CEP97: variants seen among roughly 807,000 people sequenced by gnomAD.
The protein encoded by CEP97 is centrosomal protein of 97 kDa.
A neutral mutation model predicts 73.1 loss-of-function variants in CEP97; 43 were observed. The observed-to-expected ratio is 0.59, with a 90% CI of 0.46 to 0.76. CEP97 has a LOEUF of 0.76. CEP97 is among the 30% of genes least tolerant of loss of function. The probability of loss-of-function intolerance (pLI) is 0.00; values close to 1 mark genes in which losing one functional copy is unlikely to be tolerated. For synonymous variants in CEP97, 337 were observed against 370.0 expected (o/e 0.91, Z 1.02); for missense variants, 939 against 1,014.0 (o/e 0.93, Z 1.00).
chr3:101,761,066 C>T (rs1939159865), intron 9 of CEP97, among the ~76,000 whole-genome samples: 1 of 151,852 alleles, frequency 6.6e-6, no homozygotes, highest in Non-Finnish European at 1.5e-5. Context: ...AGGGTTTCAC[C>T]ATGTAGGCCA....
intron 6 of CEP97, among the ~76,000 whole-genome samples, chr3:101,752,640 C>G (rs1938869316): frequency 6.6e-6 from 1 of 152,086 alleles, no homozygotes; most frequent in African/African-American, 2.4e-5. Flanking sequence ...TCATTTCATT[C>G]ATTTCATCTT....
chr3:101,764,537 G>A (rs1939256677), intron 10 of CEP97, among the ~76,000 whole-genome samples: 1 of 152,070 alleles, frequency 6.6e-6, no homozygotes, highest in African/African-American at 2.4e-5. Flanking sequence ...CTTGAACCTG[G>A]GAGGTGGAGG....
intron 10 of CEP97, among the ~76,000 whole-genome samples, chr3:101,763,573 T>A (rs1405302738): frequency 1.3e-5 from 2 of 152,140 alleles, no homozygotes; most frequent in Non-Finnish European, 2.9e-5. Context: ...CAAGTTGCTG[T>A]CAGTAATTAC....
At position 101,758,333 on chromosome 3, in the gene CEP97, A is replaced by C; in HGVS notation, c.1727A>C (p.Asn576Thr). 6.2e-7 allele frequency: 1 copy of C among 1,614,202 alleles called. No homozygotes were observed. The highest frequency in any genetic ancestry group is 1.3e-5 in the African/African-American group (1 of 75,068). Reference sequence around the variant, plus strand: ...TGTTGGCGGGGATTTTATGCCAGGAACTACAACCCTCAAGCCAAAGATGTG... The same window carrying C: ...TGTTGGCGGGGATTTTATGCCAGGACCTACAACCCTCAAGCCAAAGATGTG... Reference protein sequence around the residue: ...QACWRGFYARNYNPQAKDVRY... With the variant: ...QACWRGFYARTYNPQAKDVRY... The change falls in exon 9 of 11, where the codon AAC becomes ACC. Residue 576 changes from asparagine (N) to threonine (T), a missense_variant. Physicochemically the swap from Asn to Thr is moderately conservative, Grantham distance 65. Transcript: ENST00000341893.
rs1560009086 is a variant in CEP97, at chr3:101,732,039, C to T, written c.561+86C>T. ...AGAGGGTTGTGAGCTTACTTTTAGA[C>T]TGTGAGCATCTTGGAAGAAACTGCC... On this transcript the variant is annotated intron_variant, in intron 5 of 10. Coordinates refer to ENST00000341893, the MANE Select transcript of CEP97 (RefSeq NM_024548.4). 5.3e-6 allele frequency: 4 copies of T among 760,258 alleles called. No homozygotes were observed. The African/African-American group carries it at 5.3e-5, about 10-fold the overall frequency. The allele number at this position is 760,258 out of a possible 1,614,324, so 47.1% of individuals were successfully genotyped here. A position where few individuals can be genotyped will look rare whatever the true frequency, so the allele number is the denominator to read the frequency against.
At chr3:101,747,562 C>CT (rs34455491) in intron 6 of CEP97, among the ~76,000 whole-genome samples, 9,706 of 127,116 alleles carry the variant, frequency 0.076, 336 homozygotes, top group Middle Eastern at 0.18. Flanking sequence ...CCTGGCCTTC[C>CT]TTTTTTTTTT....
chr3:101,726,253 C>G (rs1937884306), intron 1 of CEP97, among the ~76,000 whole-genome samples: 1 of 152,098 alleles, frequency 6.6e-6, no homozygotes, highest in South Asian at 2.1e-4. Context: ...GGATTGCAGT[C>G]AAAAGTTTAG....
Position 101,770,012 on chromosome 3 carries a change from GTTCAT to G in CEP97, c.*4464_*4468del, listed in dbSNP as rs1443219654. On this transcript the variant is annotated 3_prime_UTR_variant, in exon 11 of 11. Coordinates refer to ENST00000341893, the MANE Select transcript of CEP97 (RefSeq NM_024548.4). ...GCAGGAATCACTCTGTAGTAGTTGT[GTTCAT>G]TTTCTTTTCTTTTTCTTTTCTTTTT... is the stretch of plus-strand genomic sequence containing the variant. 1 of 151,872 alleles carries G rather than the reference GTTCAT, an allele frequency of 6.6e-6. No individual in the cohort carries two copies. The highest frequency in any genetic ancestry group is 1.5e-5 in the Non-Finnish European group (1 of 67,912). The allele number at this position is 151,872 out of a possible 1,614,324, so 9.4% of individuals were successfully genotyped here.
At chr3:101,733,237 G>C (rs1938169671) in intron 6 of CEP97, among the ~76,000 whole-genome samples, 1 of 152,148 alleles carries the variant, frequency 6.6e-6, no homozygotes, top group South Asian at 2.1e-4. Flanking sequence ...TTGGAGCTTG[G>C]AACACTTTTG....
At chr3:101,759,133 C>T (rs184175343) in intron 9 of CEP97, 1 of 152,230 alleles carries the variant, frequency 6.6e-6, no homozygotes, top group Non-Finnish European at 1.5e-5. Context: ...TGGTGATTCT[C>T]CAGACTATCC....
chr3:101,751,220 G>T (rs1478189608), intron 6 of CEP97, among the ~76,000 whole-genome samples: 1 of 152,186 alleles, frequency 6.6e-6, no homozygotes, highest in Non-Finnish European at 1.5e-5. Flanking sequence ...TAGTTGAGCG[G>T]TTTTGAGTGA....
chr3:101,734,744 TG>T (rs1938221637), intron 6 of CEP97, among the ~76,000 whole-genome samples: 2 of 152,228 alleles, frequency 1.3e-5, no homozygotes, highest in South Asian at 4.1e-4. Context: ...ATTTGGAATA[TG>T]GGTTTACTTG....
At chr3:101,756,916 A>G (rs1293226207) in intron 7 of CEP97, 147 bp from the exon 8 acceptor site, 2 of 698,098 alleles carry the variant, frequency 2.9e-6, no homozygotes, top group Non-Finnish European at 4.7e-6. Flanking sequence ...AGTGCTTTCA[A>G]ATGAGGATTT....
Position 101,757,074 on chromosome 3 carries a change from G to T in CEP97, c.905G>T (p.Arg302Met), listed in dbSNP as rs1939025724. ...KILSKQRFHQ[R>M]QLMNQSQNEE... ...TTATTGATTTTTAGGTTTCACCAGA[G>T]GCAGTTGATGAACCAAAGCCAAAAT... is the stretch of plus-strand genomic sequence containing the variant. The change falls in exon 8 of 11, where the codon AGG becomes ATG. Residue 302 changes from arginine (R) to methionine (M), a missense_variant. Arg to Met is a moderately conservative substitution (Grantham distance 91). Transcript: ENST00000341893. 6.2e-7 allele frequency: 1 copy of T among 1,608,468 alleles called. No homozygotes were observed. The highest frequency in any genetic ancestry group is 1.7e-5 in the Admixed American group (1 of 58,620).
At chr3:101,724,767 A>C in intron 1 of CEP97, 48 bp downstream of exon 1, 5 of 1,587,960 alleles carry the variant, frequency 3.1e-6, no homozygotes, top group South Asian at 1.1e-5. Flanking sequence ...CACGGAGCTG[A>C]ATTAAATAGT....
At chr3:101,740,185 G>A (rs1476493848) in intron 6 of CEP97, among the ~76,000 whole-genome samples, 1 of 152,144 alleles carries the variant, frequency 6.6e-6, no homozygotes, top group Non-Finnish European at 1.5e-5. Context: ...AAGTCAAATT[G>A]TCTCTGTTTG....
chr3:101,734,389 C>T (rs989810368), intron 6 of CEP97, among the ~76,000 whole-genome samples: 3 of 152,228 alleles, frequency 2.0e-5, no homozygotes, highest in Non-Finnish European at 4.4e-5. Flanking sequence ...TCAGTACATA[C>T]ACACATGCAT....
At chr3:101,739,392 C>G (rs1270857085) in intron 6 of CEP97, among the ~76,000 whole-genome samples, 1 of 152,186 alleles carries the variant, frequency 6.6e-6, no homozygotes, top group East Asian at 1.9e-4. Context: ...AGGCCAGTAT[C>G]CCTGATGAAC....
chr3:101,727,439 G>T lies in CEP97; in HGVS notation c.243G>T (p.Leu81Phe). 2 of 1,613,968 alleles carry T rather than the reference G, an allele frequency of 1.2e-6. No homozygotes were observed. Among genetic ancestry groups the T allele is most frequent in the Non-Finnish European group, 1.7e-6 (2 of 1,179,916 alleles). Residue 81 changes from leucine (L) to phenylalanine (F), a missense_variant, in exon 3 of 11, where the codon TTG becomes TTT. Coordinates refer to ENST00000341893, the MANE Select transcript of CEP97 (RefSeq NM_024548.4). ...TGATGGGTGTGGCCAAGCTGACGTT[G>T]CTTCGTGTATTAAATTTGCCTCATA... ...VRMMGVAKLTLLRVLNLPHNS... is the reference protein window; with the variant it reads ...VRMMGVAKLTFLRVLNLPHNS...
Sources: allele counts gnomAD v4.1 joint callset (sites outside exome capture counted in the v4.1 genomes callset), GRCh38; gene constraint gnomAD v4.1.1; transcripts MANE v1.5; gene names NCBI Gene and HGNC (gene_info 2026-07-23, HGNC 2026-07-21).